The following PCDHA10 variants were observed in gnomAD, a reference collection of about 807,000 sequenced individuals.
PCDHA10 encodes the protein protocadherin alpha-10.
A neutral mutation model predicts 61.2 loss-of-function variants in PCDHA10; 45 were observed. The observed-to-expected ratio is 0.74, with a 90% CI of 0.58 to 0.94. The LOEUF is 0.94. Among genes scored for constraint, PCDHA10 ranks in the 40% least tolerant of loss-of-function variants. The pLI is 0.00. For missense variants in PCDHA10, 1,278 were observed against 1,236.2 expected (o/e 1.03, Z -0.51); for synonymous variants, 602 against 548.8 (o/e 1.10, Z -1.35).
chr5:141,007,647 A>T (rs1554261419), intron 3 of PCDHA10, among the ~76,000 whole-genome samples: 1 of 152,174 alleles, frequency 6.6e-6, no homozygotes, highest in Admixed American at 6.5e-5. Context: ...GTATTTGCCT[A>T]AAAAACCATA....
chr5:140,889,103 T>C (rs1554183781), intron 1 of PCDHA10, among the ~76,000 whole-genome samples: 2 of 151,990 alleles, frequency 1.3e-5, no homozygotes. Flanking sequence ...TTTTTTCATC[T>C]TTATTCCAGG....
intron 1 of PCDHA10, chr5:140,870,719 C>A (rs782257127): frequency 1.9e-6 from 3 of 1,613,084 alleles, no homozygotes; most frequent in Admixed American, 3.3e-5. Flanking sequence ...GCGCGCGATG[C>A]GGGCGTGCCG....
At chr5:140,978,739 T>C (rs2096820890) in intron 1 of PCDHA10, among the ~76,000 whole-genome samples, 1 of 152,252 alleles carries the variant, frequency 6.6e-6, no homozygotes, top group Non-Finnish European at 1.5e-5. Context: ...TCTTCCAGGG[T>C]ATCTAATCTG....
intron 1 of PCDHA10, chr5:140,882,971 G>A (rs1562782227): frequency 3.1e-6 from 5 of 1,614,206 alleles, no homozygotes; most frequent in Admixed American, 1.7e-5. Flanking sequence ...GATTCTGGAC[G>A]TGAATGACAA....
intron 1 of PCDHA10, 183 bp downstream of exon 1, chr5:140,858,619 C>T: frequency 8.6e-7 from 1 of 1,161,702 alleles, no homozygotes; most frequent in Non-Finnish European, 1.2e-6. Context: ...TTTATCCTAC[C>T]CAGTGTGTCA....
intron 1 of PCDHA10, among the ~76,000 whole-genome samples, chr5:140,941,281 C>G (rs12652617): frequency 1.4e-5 from 1 of 69,002 alleles, no homozygotes. Flanking sequence ...TTCCTTCCTT[C>G]CTTTCTCTTT....
chr5:140,863,405 C>A (rs1554158176), intron 1 of PCDHA10: 1 of 799,642 alleles, frequency 1.3e-6, no homozygotes, highest in East Asian at 4.2e-5. Flanking sequence ...GGCAAGCCCA[C>A]GCTGGTGTAC....
chr5:141,010,193 T>C lies in PCDHA10; in HGVS notation c.*256T>C, dbSNP rs782116962. Reference sequence around the variant, plus strand: ...CCTAAAAAGCAGACCCAAGTTTCCTTTCTCCTCCGCCGCAAAGGAGAGGCT... The same window carrying C: ...CCTAAAAAGCAGACCCAAGTTTCCTCTCTCCTCCGCCGCAAAGGAGAGGCT... On this transcript the variant is annotated 3_prime_UTR_variant, in exon 4 of 4. Transcript: ENST00000307360. 7.7e-6 allele frequency: 12 copies of C among 1,552,398 alleles called. No individual in the cohort carries two copies. The South Asian group carries it at 1.3e-4, about 17-fold the overall frequency.
intron 1 of PCDHA10, chr5:140,870,518 A>G: frequency 6.2e-7 from 1 of 1,614,230 alleles, no homozygotes; most frequent in Admixed American, 1.7e-5. Context: ...CCAGGCTGCC[A>G]CATCTTCACA....
intron 1 of PCDHA10, chr5:140,927,139 C>T: frequency 6.2e-7 from 1 of 1,614,046 alleles, no homozygotes; most frequent in Non-Finnish European, 8.5e-7. Context: ...GCCGGCGGAC[C>T]GCGAACAGCT....
At chr5:140,946,574 G>C (rs246054) in intron 1 of PCDHA10, among the ~76,000 whole-genome samples, 17 of 145,538 alleles carry the variant, frequency 1.2e-4, no homozygotes, top group African/African-American at 4.5e-4. Flanking sequence ...AATCAACTTA[G>C]GTGTTCATAG....
intron 3 of PCDHA10, among the ~76,000 whole-genome samples, chr5:140,999,495 A>G (rs868986339): frequency 6.6e-6 from 1 of 152,142 alleles, no homozygotes; most frequent in South Asian, 2.1e-4. Flanking sequence ...TATGTTACCC[A>G]AGAACCTACA....
chr5:140,971,019 G>A (rs908442935), intron 1 of PCDHA10, among the ~76,000 whole-genome samples: 2 of 152,174 alleles, frequency 1.3e-5, no homozygotes, highest in African/African-American at 2.4e-5. Flanking sequence ...TCTTTAGATC[G>A]TAGCATTTGA....
At chr5:140,871,305 G>T in intron 1 of PCDHA10, 14 of 1,613,992 alleles carry the variant, frequency 8.7e-6, no homozygotes, top group Non-Finnish European at 1.1e-5. Context: ...GCGCGCCGGG[G>T]AAGCCCACGC....
At chr5:140,883,219 A>G (rs1416740017) in intron 1 of PCDHA10, 1 of 1,613,942 alleles carries the variant, frequency 6.2e-7, no homozygotes, top group Non-Finnish European at 8.5e-7. Flanking sequence ...AATTATATGA[A>G]ATATCCGTGG....
At chr5:141,004,080 A>G (rs1554259443) in intron 3 of PCDHA10, among the ~76,000 whole-genome samples, 1 of 152,198 alleles carries the variant, frequency 6.6e-6, no homozygotes, top group Non-Finnish European at 1.5e-5. Context: ...TAGGGGTAGA[A>G]ATGTGCTTCT....
At chr5:140,900,032 A>G (rs1439772684) in intron 1 of PCDHA10, among the ~76,000 whole-genome samples, 1 of 151,930 alleles carries the variant, frequency 6.6e-6, no homozygotes, top group Non-Finnish European at 1.5e-5. Context: ...TTGGCCTTGA[A>G]TTCCTGGGCT....
chr5:140,871,245 G>A, intron 1 of PCDHA10: 1 of 1,613,982 alleles, frequency 6.2e-7, no homozygotes, highest in Non-Finnish European at 8.5e-7. Flanking sequence ...TACTCACGCT[G>A]CTGCTGTATA....
intron 3 of PCDHA10, among the ~76,000 whole-genome samples, chr5:141,000,552 C>T (rs2097946627): frequency 1.3e-5 from 2 of 149,102 alleles, no homozygotes; most frequent in Admixed American, 1.3e-4. Context: ...CTCAAACTCC[C>T]GAGTAGCTGG....
Sources: allele counts gnomAD v4.1 joint callset (sites outside exome capture counted in the v4.1 genomes callset), GRCh38; gene constraint gnomAD v4.1.1; transcripts MANE v1.5; gene names NCBI Gene and HGNC (gene_info 2026-07-23, HGNC 2026-07-21).